Variants in GDF1 observed in about 807,000 individuals in gnomAD.
GDF1 encodes the protein embryonic growth/differentiation factor 1.
In GDF1, 8 loss-of-function variants were observed where a neutral mutation model predicts 7.4. The ratio of observed to expected loss-of-function variants is 1.09; its 90% CI spans 0.64 to 1.96. GDF1 has a LOEUF of 1.96. Among genes scored for constraint, GDF1 ranks in the 30% most tolerant of loss-of-function variants. GDF1 has a pLI of 0.00. For synonymous variants in GDF1, 311 were observed against 276.7 expected, an observed-to-expected ratio of 1.12 and a Z score of -1.23; for missense variants, 574 against 551.5, an observed-to-expected ratio of 1.04 and a Z score of -0.41.
chr19:18,884,019 C>T lies in GDF1; in HGVS notation c.-733+68G>A, dbSNP rs534528962. 60 of 1,516,500 alleles carry T rather than the reference C, an allele frequency of 4.0e-5. 1 individual carries two copies. In the South Asian group the frequency reaches 5.1e-4, roughly 13 times the overall value. 93.9% of individuals were successfully genotyped at this position (1,516,500 alleles called of 1,614,324 possible). A position where few individuals can be genotyped will look rare whatever the true frequency, so the allele number is the denominator to read the frequency against. On this transcript the variant is annotated intron_variant, in intron 3 of 7. Coordinates refer to ENST00000247005, the MANE Select transcript of GDF1 (RefSeq NM_001492.6). ...CTCCACGGCCTCCTCTGTGCCCCGC[C>T]GCAACATCAGCCTCCGCACTCTGTG...
intron 6 of GDF1, among the ~76,000 whole-genome samples, chr19:18,877,066 T>A (rs1379820866): frequency 2.0e-5 from 3 of 152,182 alleles, no homozygotes; most frequent in African/African-American, 7.2e-5. Flanking sequence ...TCCCATCCTG[T>A]TTTATACCCA....
chr19:18,878,580 G>A lies in GDF1; in HGVS notation c.-313+350C>T, dbSNP rs1009128636. On this transcript the variant is annotated intron_variant, in intron 6 of 7. Transcript: ENST00000247005. This position sits in a 1 kb window ranked among gnomAD's most constrained non-coding sequence, Gnocchi z 4.6. ...CCAGTGGCGACATGGGTCAGAGGTCGTCATCCAGGCTGGCCAGCAACTACT... is the reference window on the plus strand; with the variant it reads ...CCAGTGGCGACATGGGTCAGAGGTCATCATCCAGGCTGGCCAGCAACTACT... The A allele has an allele frequency of 1.4e-5, 15 of 1,092,302 alleles. No individual in the cohort carries two copies. The highest frequency in any genetic ancestry group is 1.2e-4 in the African/African-American group (7 of 60,398). The allele number at this position is 1,092,302 out of a possible 1,614,324, so 67.7% of individuals were successfully genotyped here.
At chr19:18,880,523 T>C in intron 3 of GDF1, 88 bp from the exon 4 acceptor site, 1 of 1,337,588 alleles carries the variant, frequency 7.5e-7, no homozygotes, top group Non-Finnish European at 1.0e-6. Context: ...GTCCCTGGGC[T>C]ACACCTCAGG....
chr19:18,895,943 G>GC lies in GDF1; in HGVS notation c.-1194dup. On this transcript the variant is annotated 5_prime_UTR_variant, in exon 1 of 8. An upstream open reading frame in the 5' UTR gains an earlier in-frame stop. Transcript: ENST00000247005. This position sits in a 1 kb window ranked among gnomAD's most constrained non-coding sequence, Gnocchi z 6.4. Reference sequence around the variant, plus strand: ...TGCTCAGCCAGGCCGCGACGCGCCAGCCCCCAGCCGCAGTCCGTGCAGCCC... The same window carrying GC: ...TGCTCAGCCAGGCCGCGACGCGCCAGCCCCCCAGCCGCAGTCCGTGCAGCCC... 2 of 1,169,600 alleles carry GC rather than the reference G, an allele frequency of 1.7e-6. No individual in the cohort carries two copies. The highest frequency in any genetic ancestry group is 4.5e-5 in the Admixed American group (1 of 22,300). The allele number at this position is 1,169,600 out of a possible 1,614,324, so 72.5% of individuals were successfully genotyped here.
intron 3 of GDF1, 70 bp from the exon 4 acceptor site, chr19:18,880,505 C>G (rs1337850326): frequency 1.4e-6 from 2 of 1,431,430 alleles, no homozygotes; most frequent in African/African-American, 2.8e-5. Context: ...ACTAAGGCCC[C>G]CAGCAGAGTC....
At position 18,870,438 on chromosome 19, in the gene GDF1, T is replaced by A; in HGVS notation, c.-131A>T. On this transcript the variant is annotated 5_prime_UTR_variant, in exon 7 of 8. Transcript: ENST00000247005. This position sits in a 1 kb window ranked among gnomAD's most constrained non-coding sequence, Gnocchi z 5.1. ...GCGTGGCCGGGAACTGGAGGCAGGATGAGGGGGCGGGGTCCCAGGGGAGGT... is the reference window on the plus strand; with the variant it reads ...GCGTGGCCGGGAACTGGAGGCAGGAAGAGGGGGCGGGGTCCCAGGGGAGGT... The A allele has an allele frequency of 1.4e-6, 1 of 725,456 alleles. No homozygotes were observed. The highest frequency in any genetic ancestry group is 2.0e-6 in the Non-Finnish European group (1 of 495,112). The allele number at this position is 725,456 out of a possible 1,614,324, so 44.9% of individuals were successfully genotyped here.
chr19:18,889,125 C>G (rs2056434030), intron 2 of GDF1, among the ~76,000 whole-genome samples: 2 of 152,140 alleles, frequency 1.3e-5, no homozygotes, highest in Admixed American at 1.3e-4. Context: ...CTCCCGGCCT[C>G]AAGTGATCCG....
At chr19:18,891,515 A>C (rs2056490500) in intron 2 of GDF1, among the ~76,000 whole-genome samples, 1 of 151,266 alleles carries the variant, frequency 6.6e-6, no homozygotes, top group Non-Finnish European at 1.5e-5. Context: ...TGCCCAGCCC[A>C]CCCGGAGCTC....
At chr19:18,874,790 C>A (rs944759439) in intron 6 of GDF1, among the ~76,000 whole-genome samples, 1 of 152,178 alleles carries the variant, frequency 6.6e-6, no homozygotes, top group African/African-American at 2.4e-5. Flanking sequence ...TGAGGGGACC[C>A]TGGAGGTGAG....
intron 2 of GDF1, among the ~76,000 whole-genome samples, chr19:18,885,542 T>G (rs2056332867): frequency 7.9e-6 from 1 of 126,940 alleles, no homozygotes; most frequent in East Asian, 2.4e-4. Flanking sequence ...TTTTTTGAGA[T>G]GGAGTCTTGC....
intron 6 of GDF1, among the ~76,000 whole-genome samples, chr19:18,875,246 A>AG (rs2056040377): frequency 1.3e-5 from 2 of 151,374 alleles, no homozygotes; most frequent in Admixed American, 6.6e-5. Flanking sequence ...AAAAAAAAAA[A>AG]AAAGAAAGAA....
At chr19:18,881,272 C>T (rs965557732) in intron 3 of GDF1, among the ~76,000 whole-genome samples, 3 of 149,722 alleles carry the variant, frequency 2.0e-5, no homozygotes, top group East Asian at 2.0e-4. Context: ...CAGGCTGGAG[C>T]GCAATGGCAC....
chr19:18,889,920 C>T (rs1601185406), intron 2 of GDF1, among the ~76,000 whole-genome samples: 1 of 152,136 alleles, frequency 6.6e-6, no homozygotes, highest in Non-Finnish European at 1.5e-5. Context: ...TCAGCTCTGC[C>T]TTCTAAACAT....
In GDF1 at chr19:18,894,526, C is replaced by G. The variant is rs1052989321; in HGVS notation, c.-1073-951G>C. The stretch of plus-strand genomic sequence containing the variant: ...CACCCAAGGGGCTGGGGAGGGCCCC[C>G]GGGGCTCGGCCCTGGTAGTCTACCA... On this transcript the variant is annotated intron_variant, in intron 1 of 7. Coordinates refer to ENST00000247005, the MANE Select transcript of GDF1 (RefSeq NM_001492.6). 3.6e-4 allele frequency among the ~76,000 whole-genome samples: 54 copies of G among 152,090 alleles called. 3 individuals carry two copies. The highest frequency in any genetic ancestry group is 1.5e-5 in the Non-Finnish European group (1 of 67,972).
At chr19:18,873,422 C>T (rs751487902) in intron 6 of GDF1, among the ~76,000 whole-genome samples, 5 of 151,928 alleles carry the variant, frequency 3.3e-5, no homozygotes, top group East Asian at 1.9e-4. Context: ...AAGGGCCAGG[C>T]GCAGTGGCTC....
At position 18,895,229 on chromosome 19, in the gene GDF1, G is replaced by A. The variant is rs1375267354; in HGVS notation, c.-1074+595C>T. ...CCAGATAGGCACAAGGCAGCGACCGGGCAGCTCCTGCCTCTTCCCGATTAC... is the reference window on the plus strand; with the variant it reads ...CCAGATAGGCACAAGGCAGCGACCGAGCAGCTCCTGCCTCTTCCCGATTAC... On this transcript the variant is annotated intron_variant, in intron 1 of 7. Transcript: ENST00000247005. This position sits in a 1 kb window ranked among gnomAD's most constrained non-coding sequence, Gnocchi z 6.4. 6.6e-6 allele frequency among the ~76,000 whole-genome samples: 1 copy of A among 152,214 alleles called. No homozygotes were observed. The highest frequency in any genetic ancestry group is 1.5e-5 in the Non-Finnish European group (1 of 68,032).
chr19:18,877,687 G>A (rs1264936040), intron 6 of GDF1, among the ~76,000 whole-genome samples: 7 of 150,344 alleles, frequency 4.7e-5, no homozygotes, highest in African/African-American at 7.4e-5. Flanking sequence ...CCTGGGAGGC[G>A]GCGGTTGCAG....
intron 6 of GDF1, among the ~76,000 whole-genome samples, chr19:18,877,756 CAAA>C (rs386388683): frequency 1.9e-5 from 2 of 103,980 alleles, no homozygotes. Context: ...GACCCTGTCT[CAAA>C]AAAAAAAAAA....
chr19:18,894,818 C>T (rs913997944), intron 1 of GDF1, among the ~76,000 whole-genome samples: 2 of 152,148 alleles, frequency 1.3e-5, no homozygotes, highest in Admixed American at 6.5e-5. Context: ...CAAGGGCCAG[C>T]CTCTTCCCGG....
Sources: gnomAD v4.1 joint callset for allele counts (sites outside exome capture counted in the v4.1 genomes callset) on GRCh38, gnomAD v4.1.1 for gene constraint, Gnocchi (gnomAD v3.1) non-coding constraint, MANE v1.5 for transcripts, NCBI Gene and HGNC (gene_info 2026-07-23, HGNC 2026-07-21) for gene names.